CLVS1: variants seen among roughly 807,000 people sequenced by gnomAD.
CLVS1 encodes the protein clavesin 1, also known as clavesin-1.
Under a neutral mutation model 33.1 loss-of-function variants are expected in CLVS1, and 10 were observed. The observed-to-expected ratio is 0.30, with a 90% CI of 0.19 to 0.51. The LOEUF (loss-of-function observed/expected upper bound fraction) is 0.51. CLVS1 is among the 20% of genes least tolerant of loss of function. The pLI is 0.97. For missense variants in CLVS1, 343 were observed against 433.4 expected (o/e 0.79, Z 1.85); for synonymous variants, 163 against 166.1 (o/e 0.98, Z 0.14).
chr8:61,315,738 T>TTA (rs925385685), intron 2 of CLVS1, among the ~76,000 whole-genome samples: 6 of 152,100 alleles, frequency 3.9e-5, no homozygotes, highest in Non-Finnish European at 5.9e-5. Context: ...TATTCTTTTT[T>TTA]TATATATATA....
At chr8:61,390,908 C>T in intron 3 of CLVS1, 1 of 151,598 alleles carries the variant, frequency 6.6e-6, no homozygotes, top group East Asian at 1.9e-4. Flanking sequence ...TGTTAAACTG[C>T]CTTTGCTATA....
chr8:61,018,846 C>G, the CLVS1 span, among the ~76,000 whole-genome samples: 2 of 152,182 alleles, frequency 1.3e-5, no homozygotes, highest in African/African-American at 4.8e-5. Context: ...TCCTCACTTG[C>G]AATAGAAGAA....
At position 61,118,547 on chromosome 8, in the gene CLVS1, G is replaced by T. The variant is rs376666375; in HGVS notation, c.-242-13223G>T. ...TCCCTCTACACACTGCTTTGAATGC[G>T]TCCCAGAGATTCTGGTATGTTGTGT... On this transcript the variant is annotated intron_variant, in intron 1 of 2. Transcript: ENST00000522621. Among the ~76,000 whole-genome samples, 348 of 151,068 alleles carry T rather than the reference G, an allele frequency of 2.3e-3. 2 individuals carry two copies. Among genetic ancestry groups the T allele is most frequent in the African/African-American group, 7.9e-3 (321 of 40,792 alleles).
intron 2 of CLVS1, among the ~76,000 whole-genome samples, chr8:61,309,523 A>G (rs1456647943): frequency 6.6e-6 from 1 of 152,136 alleles, no homozygotes; most frequent in Non-Finnish European, 1.5e-5. Flanking sequence ...GATTGTGAAC[A>G]TGAAGACACT....
chr8:61,062,341 C>T (rs1804596931), intron 1 of CLVS1, among the ~76,000 whole-genome samples: 1 of 152,348 alleles, frequency 6.6e-6, no homozygotes, highest in East Asian at 1.9e-4. Context: ...TAAGAATTTA[C>T]ACCCAAAGCC....
intron 5 of CLVS1, chr8:61,465,130 C>A (rs1217526615): frequency 6.6e-6 from 1 of 152,310 alleles, no homozygotes; most frequent in Non-Finnish European, 1.5e-5. Flanking sequence ...TTAAAAAGCA[C>A]TTGCTTATTC....
At chr8:61,440,223 G>A (rs1039219195) in intron 3 of CLVS1, among the ~76,000 whole-genome samples, 3 of 152,150 alleles carry the variant, frequency 2.0e-5, no homozygotes, top group African/African-American at 7.2e-5. Flanking sequence ...TTGAATTATT[G>A]AATATAGATA....
intron 2 of CLVS1, among the ~76,000 whole-genome samples, chr8:61,168,222 G>T (rs1218130751): frequency 6.6e-6 from 1 of 152,092 alleles, no homozygotes; most frequent in Non-Finnish European, 1.5e-5. Flanking sequence ...CTCTTTTTGG[G>T]GTCTTGTTTC....
At chr8:61,186,400 T>G (rs1266087961) in intron 2 of CLVS1, among the ~76,000 whole-genome samples, 2 of 152,192 alleles carry the variant, frequency 1.3e-5, no homozygotes, top group Non-Finnish European at 2.9e-5. Flanking sequence ...ATTCCTTCTC[T>G]GCATACCTGA....
At chr8:61,498,777 T>C (rs974810017) in intron 5 of CLVS1, among the ~76,000 whole-genome samples, 1 of 152,226 alleles carries the variant, frequency 6.6e-6, no homozygotes, top group East Asian at 1.9e-4. Context: ...ACTTCTAGTA[T>C]ACAGGTGAGA....
upstream of CLVS1, among the ~76,000 whole-genome samples, chr8:61,286,068 A>G (rs1421133682): frequency 2.0e-5 from 3 of 150,664 alleles, no homozygotes; most frequent in South Asian, 2.1e-4. Flanking sequence ...AGGATAGGCT[A>G]GGTAATGCTA....
At chr8:61,494,757 T>C (rs1475747982) in intron 5 of CLVS1, among the ~76,000 whole-genome samples, 2 of 152,202 alleles carry the variant, frequency 1.3e-5, no homozygotes, top group Non-Finnish European at 2.9e-5. Context: ...GCTTTATTTC[T>C]TTTTTTCTAG....
chr8:61,068,227 G>GTATATATATACATATA (rs761732435), intron 1 of CLVS1, among the ~76,000 whole-genome samples: 2 of 88,300 alleles, frequency 2.3e-5, no homozygotes, highest in African/African-American at 8.0e-5. Flanking sequence ...ATGTATGTAT[G>GTATATATATACATATA]TGTATATATA....
At chr8:61,458,915 A>G (rs934980602) in intron 5 of CLVS1, among the ~76,000 whole-genome samples, 1 of 152,230 alleles carries the variant, frequency 6.6e-6, no homozygotes, top group Admixed American at 6.5e-5. Flanking sequence ...GGAACCATTT[A>G]TTGAGAATTT....
intron 2 of CLVS1, among the ~76,000 whole-genome samples, chr8:61,132,998 G>A (rs1255739158): frequency 6.6e-6 from 1 of 152,186 alleles, no homozygotes; most frequent in Non-Finnish European, 1.5e-5. Context: ...TTTTCATGGT[G>A]AAAAGCAGTG....
intron 2 of CLVS1, among the ~76,000 whole-genome samples, chr8:61,343,722 G>A (rs990941535): frequency 6.6e-6 from 1 of 152,120 alleles, no homozygotes; most frequent in South Asian, 2.1e-4. Context: ...TTCTCACCAC[G>A]TTCCTCTGAT....
At chr8:61,211,570 C>T (rs2129307378) in intron 2 of CLVS1, among the ~76,000 whole-genome samples, 1 of 152,298 alleles carries the variant, frequency 6.6e-6, no homozygotes, top group Non-Finnish European at 1.5e-5. Flanking sequence ...TTGAGCTTAA[C>T]TTCTCATGAG....
chr8:61,471,996 G>C (rs1248258133), intron 5 of CLVS1, among the ~76,000 whole-genome samples: 1 of 152,152 alleles, frequency 6.6e-6, no homozygotes, highest in East Asian at 1.9e-4. Context: ...CCCAGGGCTT[G>C]TACTTGCTCC....
intron 5 of CLVS1, among the ~76,000 whole-genome samples, chr8:61,492,527 G>A (rs1311823297): frequency 2.0e-5 from 3 of 152,064 alleles, no homozygotes; most frequent in Admixed American, 6.6e-5. Context: ...TTTTTTTGGG[G>A]GGGTCTTTCT....
Sources: allele counts gnomAD v4.1 joint callset (sites outside exome capture counted in the v4.1 genomes callset), GRCh38; gene constraint gnomAD v4.1.1; transcripts MANE v1.5; gene names NCBI Gene and HGNC (gene_info 2026-07-23, HGNC 2026-07-21).